The following NCALD variants were observed in gnomAD, a reference collection of about 807,000 sequenced individuals.
NCALD encodes the protein neurocalcin delta.
A neutral mutation model predicts 18.6 loss-of-function variants in NCALD; 10 were observed. The observed-to-expected ratio is 0.54, with a 90% CI of 0.33 to 0.91. The LOEUF is 0.91. Among genes scored for constraint, NCALD ranks in the 40% least tolerant of loss-of-function variants. The pLI is 0.03. For missense variants in NCALD, 184 were observed against 247.6 expected (o/e 0.74, Z 1.72); for synonymous variants, 88 against 87.4 (o/e 1.01, Z -0.04).
At chr8:101,874,167 G>C (rs1816132329) in intron 4 of NCALD, among the ~76,000 whole-genome samples, 1 of 152,192 alleles carries the variant, frequency 6.6e-6, no homozygotes, top group African/African-American at 2.4e-5. Flanking sequence ...GAGGTAACTT[G>C]GGGTGGGGGA....
intron 1 of NCALD, among the ~76,000 whole-genome samples, chr8:101,777,298 C>T (rs191666940): frequency 6.6e-6 from 1 of 152,254 alleles, no homozygotes; most frequent in Non-Finnish European, 1.5e-5. Flanking sequence ...AATGAGACAC[C>T]ATGTTTACAT....
At chr8:101,815,651 G>T (rs529680624) in intron 4 of NCALD, among the ~76,000 whole-genome samples, 6 of 152,248 alleles carry the variant, frequency 3.9e-5, no homozygotes. Context: ...ACATCACCAA[G>T]TGCTGGTGAG....
rs189738833 is a variant in NCALD at position 101,932,198 on chromosome 8, C to T, written c.-156-16340G>A. ...GTTCTGTCTTTCAGCCTCCAGGCCC[C>T]CTCCCCTGCCACAGGGACTTGCAGT... is the stretch of plus-strand genomic sequence containing the variant. On this transcript the variant is annotated intron_variant, in intron 2 of 6. Transcript: ENST00000311028. 1.9e-3 allele frequency among the ~76,000 whole-genome samples: 292 copies of T among 152,280 alleles called. 1 individual carries two copies. Among genetic ancestry groups the T allele is most frequent in the Non-Finnish European group, 3.4e-3 (231 of 68,010 alleles).
intron 2 of NCALD, among the ~76,000 whole-genome samples, chr8:101,932,916 C>T (rs2131713379): frequency 6.6e-6 from 1 of 152,318 alleles, no homozygotes; most frequent in East Asian, 1.9e-4. Flanking sequence ...TACTTTTACA[C>T]ACACACACAA....
intron 3 of NCALD, among the ~76,000 whole-genome samples, chr8:101,892,764 C>T (rs901067356): frequency 2.0e-5 from 3 of 149,922 alleles, no homozygotes; most frequent in South Asian, 2.1e-4. Context: ...AGGGTATCAG[C>T]AATGGAAGAT....
chr8:101,778,481 T>C (rs1811884301), intron 1 of NCALD, among the ~76,000 whole-genome samples: 1 of 149,782 alleles, frequency 6.7e-6, no homozygotes, highest in Non-Finnish European at 1.5e-5. Flanking sequence ...AGAAGGTAAC[T>C]TTTTTTTTTA....
chr8:101,880,686 T>C (rs944201399), intron 4 of NCALD, among the ~76,000 whole-genome samples: 5 of 152,182 alleles, frequency 3.3e-5, no homozygotes, highest in Non-Finnish European at 7.4e-5. Flanking sequence ...CAAAGCATTA[T>C]ACAAAAAAAA....
intron 1 of NCALD, among the ~76,000 whole-genome samples, chr8:102,071,518 A>C (rs1824177760): frequency 6.6e-6 from 1 of 152,232 alleles, no homozygotes; most frequent in African/African-American, 2.4e-5. Context: ...ATAAGGTTTA[A>C]AAAATGAAAT....
intron 1 of NCALD, among the ~76,000 whole-genome samples, chr8:102,065,350 T>TGACA (rs1240828515): frequency 1.3e-5 from 2 of 151,870 alleles, no homozygotes; most frequent in African/African-American, 4.8e-5. Context: ...CAGGGCAGAG[T>TGACA]GACAGCGGGC....
chr8:102,069,486 A>C (rs748291776), intron 1 of NCALD, among the ~76,000 whole-genome samples: 1 of 152,242 alleles, frequency 6.6e-6, no homozygotes, highest in African/African-American at 2.4e-5. Flanking sequence ...TGAATCAAAA[A>C]ATAAAATGTA....
chr8:101,825,183 T>C (rs1201460786), intron 4 of NCALD, among the ~76,000 whole-genome samples: 1 of 152,208 alleles, frequency 6.6e-6, no homozygotes, highest in African/African-American at 2.4e-5. Flanking sequence ...TGCATCCATC[T>C]GTTGTCATCC....
At chr8:101,756,345 T>C (rs2130804164) in intron 1 of NCALD, among the ~76,000 whole-genome samples, 1 of 152,292 alleles carries the variant, frequency 6.6e-6, no homozygotes, top group East Asian at 1.9e-4. Context: ...TGTCACTGTA[T>C]AGGTAAACTC....
At chr8:101,711,967 C>A (rs185101262) in intron 2 of NCALD, among the ~76,000 whole-genome samples, 1 of 152,074 alleles carries the variant, frequency 6.6e-6, no homozygotes, top group African/African-American at 2.4e-5. Context: ...GGCACATAAT[C>A]GTCAGATTCA....
rs1814506072 is a variant in NCALD, at chr8:101,687,146, G to A, written c.*2163C>T. On this transcript the variant is annotated 3_prime_UTR_variant, in exon 4 of 4. Transcript: ENST00000220931. Reference sequence around the variant, plus strand: ...CCAGCTCTAGGTTCCAAGGAACAGAGTGGGTCTGGCTCAGCGAGATGTCAT... The same window carrying A: ...CCAGCTCTAGGTTCCAAGGAACAGAATGGGTCTGGCTCAGCGAGATGTCAT... 6.6e-6 allele frequency: 1 copy of A among 152,300 alleles called. No individual in the cohort carries two copies. The highest frequency in any genetic ancestry group is 2.4e-5 in the African/African-American group (1 of 41,456). The allele number at this position is 152,300 out of a possible 1,614,324, so 9.4% of individuals were successfully genotyped here.
intron 4 of NCALD, among the ~76,000 whole-genome samples, chr8:101,867,632 A>G (rs501468): frequency 1 from 152,234 of 152,342 alleles, 76,063 homozygotes; most frequent in Middle Eastern, 1. Context: ...TTTATTTTTT[A>G]TCCGTGAAAT....
At chr8:102,077,252 A>C (rs1177822972) in intron 1 of NCALD, among the ~76,000 whole-genome samples, 1 of 152,104 alleles carries the variant, frequency 6.6e-6, no homozygotes, top group Non-Finnish European at 1.5e-5. Flanking sequence ...TCATTTCCCC[A>C]CTGCCTGGAG....
chr8:102,122,022 C>G (rs1003691860), intron 1 of NCALD, among the ~76,000 whole-genome samples: 3 of 152,140 alleles, frequency 2.0e-5, no homozygotes, highest in Non-Finnish European at 1.5e-5. Context: ...CATGCAGGTG[C>G]CTTGATACAT....
At chr8:102,022,758 C>T (rs756681497) in intron 1 of NCALD, among the ~76,000 whole-genome samples, 6 of 152,086 alleles carry the variant, frequency 3.9e-5, no homozygotes, top group Non-Finnish European at 8.8e-5. Flanking sequence ...GACCAAAAAC[C>T]ATTCTTTTCT....
intron 1 of NCALD, among the ~76,000 whole-genome samples, chr8:102,045,005 A>G (rs781297235): frequency 5.9e-5 from 9 of 152,206 alleles, no homozygotes; most frequent in Non-Finnish European, 1.0e-4. Flanking sequence ...CAAAAAAAGA[A>G]TAAAGGAAAT....
Sources: allele counts gnomAD v4.1 joint callset (sites outside exome capture counted in the v4.1 genomes callset), GRCh38; gene constraint gnomAD v4.1.1; transcripts MANE v1.5; gene names NCBI Gene and HGNC (gene_info 2026-07-23, HGNC 2026-07-21).